GLIS3: variants seen among roughly 807,000 people sequenced by gnomAD.
GLIS3 encodes GLIS family zinc finger 3, also known as zinc finger protein GLIS3.
GLIS3 carries 53 observed loss-of-function variants against 78.6 expected under a neutral mutation model. That is an observed-to-expected ratio of 0.67 (90% CI 0.54 to 0.85). The LOEUF is 0.85. Among genes scored for constraint, GLIS3 ranks in the 40% least tolerant of loss-of-function variants. The pLI, the probability that GLIS3 is intolerant of heterozygous loss-of-function variation, is 0.00. For synonymous variants in GLIS3, 684 were observed against 509.9 expected (o/e 1.34, Z -4.60); for missense variants, 1,703 against 1,231.1 (o/e 1.38, Z -5.74).
chr9:4,438,830 C>T, the GLIS3 span, among the ~76,000 whole-genome samples: 1 of 152,178 alleles, frequency 6.6e-6, no homozygotes, highest in African/African-American at 2.4e-5. Flanking sequence ...TGTGAGAACT[C>T]CCCAACCACA....
At chr9:4,414,262 G>C in the GLIS3 span, among the ~76,000 whole-genome samples, 2 of 152,208 alleles carry the variant, frequency 1.3e-5, no homozygotes, top group African/African-American at 2.4e-5. Flanking sequence ...AGATAATCCA[G>C]CATGAGCAAG....
the GLIS3 span, among the ~76,000 whole-genome samples, chr9:4,410,442 A>G: frequency 6.6e-6 from 1 of 152,206 alleles, no homozygotes. Context: ...TGAAAGTAAA[A>G]TATTAGGATT....
chr9:4,026,520 G>C (rs901688719), intron 4 of GLIS3, among the ~76,000 whole-genome samples: 1 of 151,636 alleles, frequency 6.6e-6, no homozygotes, highest in African/African-American at 2.4e-5. Context: ...CCAAAAAGGA[G>C]GAAAAAAATC....
intron 4 of GLIS3, among the ~76,000 whole-genome samples, chr9:4,017,038 G>A (rs539572470): frequency 6.6e-6 from 1 of 152,274 alleles, no homozygotes; most frequent in South Asian, 2.1e-4. Flanking sequence ...CTGTCATCTG[G>A]TCCTGAGTGC....
chr9:4,205,884 T>C (rs747194221), intron 2 of GLIS3, among the ~76,000 whole-genome samples: 2 of 152,246 alleles, frequency 1.3e-5, no homozygotes, highest in Non-Finnish European at 2.9e-5. Context: ...TTAAGAAATA[T>C]GAATAAAAGA....
the GLIS3 span, among the ~76,000 whole-genome samples, chr9:4,380,674 TCTTTGAGAATA>T: frequency 1.3e-5 from 2 of 152,230 alleles, no homozygotes; most frequent in Admixed American, 1.3e-4. Flanking sequence ...GGCAAGTAGT[TCTTTGAGAATA>T]CTTTGAGAAA....
intron 2 of GLIS3, among the ~76,000 whole-genome samples, chr9:4,211,325 C>G (rs1301654258): frequency 2.0e-5 from 3 of 152,206 alleles, no homozygotes; most frequent in Non-Finnish European, 4.4e-5. Flanking sequence ...TGGCTGTCAA[C>G]AGTGGGTTTT....
chr9:3,932,606 T>A, intron 5 of GLIS3, 136 bp from the exon 6 acceptor site: 2 of 692,906 alleles, frequency 2.9e-6, no homozygotes, highest in Non-Finnish European at 5.2e-6. Flanking sequence ...CTAATACTCA[T>A]GCATTTTAAT....
intron 4 of GLIS3, among the ~76,000 whole-genome samples, chr9:3,984,555 G>T (rs1819573052): frequency 6.6e-6 from 1 of 152,136 alleles, no homozygotes; most frequent in African/African-American, 2.4e-5. Context: ...ACTTGCTTTT[G>T]ATTTTACAGG....
At chr9:4,042,591 G>A (rs537190408) in intron 4 of GLIS3, among the ~76,000 whole-genome samples, 1 of 152,252 alleles carries the variant, frequency 6.6e-6, no homozygotes, top group African/African-American at 2.4e-5. Flanking sequence ...TTTCCACACT[G>A]ATTCTGAGCA....
chr9:3,938,634 G>T (rs1248494916), intron 4 of GLIS3, among the ~76,000 whole-genome samples: 1 of 152,110 alleles, frequency 6.6e-6, no homozygotes, highest in Admixed American at 6.6e-5. Flanking sequence ...ACTTATTTTT[G>T]ATTGAGAGTT....
intron 4 of GLIS3, among the ~76,000 whole-genome samples, chr9:4,011,204 A>G (rs1821976634): frequency 6.6e-6 from 1 of 152,158 alleles, no homozygotes; most frequent in Admixed American, 6.5e-5. Flanking sequence ...TCAAATAAAT[A>G]ACGTGTGCGC....
intron 4 of GLIS3, among the ~76,000 whole-genome samples, chr9:4,086,430 A>C (rs1371817275): frequency 6.6e-6 from 1 of 152,252 alleles, no homozygotes; most frequent in South Asian, 2.1e-4. Context: ...GTGAGCTCTC[A>C]GAGACCAGGA....
At chr9:4,410,840 T>G in the GLIS3 span, among the ~76,000 whole-genome samples, 2 of 152,230 alleles carry the variant, frequency 1.3e-5, no homozygotes, top group African/African-American at 2.4e-5. Context: ...AGATTAATCT[T>G]TAGCTGATCA....
intron 4 of GLIS3, among the ~76,000 whole-genome samples, chr9:4,101,789 A>C (rs990056760): frequency 1.3e-5 from 2 of 152,114 alleles, no homozygotes; most frequent in African/African-American, 4.8e-5. Flanking sequence ...GTCATGATGG[A>C]AAGATAACTC....
chr9:4,229,850 G>A (rs561728189), intron 2 of GLIS3, among the ~76,000 whole-genome samples: 32 of 152,304 alleles, frequency 2.1e-4, no homozygotes, highest in African/African-American at 7.7e-4. Context: ...AATAATTTCT[G>A]TAAACTTACT....
At chr9:4,264,352 C>A (rs183857338) in intron 2 of GLIS3, among the ~76,000 whole-genome samples, 1 of 152,328 alleles carries the variant, frequency 6.6e-6, no homozygotes, top group Admixed American at 6.5e-5. Context: ...CTCCCCAGGG[C>A]TACTACAATA....
intron 9 of GLIS3, among the ~76,000 whole-genome samples, chr9:3,837,485 A>T (rs769558221): frequency 6.6e-6 from 1 of 152,250 alleles, no homozygotes; most frequent in Non-Finnish European, 1.5e-5. Flanking sequence ...TTATAGTAGC[A>T]TTATTCATCA....
At chr9:4,453,667 C>T in the GLIS3 span, among the ~76,000 whole-genome samples, 2 of 152,118 alleles carry the variant, frequency 1.3e-5, no homozygotes, top group Non-Finnish European at 2.9e-5. Context: ...ACTATGCAGC[C>T]ATAAACAAGG....
Sources: gnomAD v4.1 joint callset for allele counts (sites outside exome capture counted in the v4.1 genomes callset) on GRCh38, gnomAD v4.1.1 for gene constraint, MANE v1.5 for transcripts, NCBI Gene and HGNC (gene_info 2026-07-23, HGNC 2026-07-21) for gene names.